PDE12: variants seen among roughly 807,000 people sequenced by gnomAD.
The protein encoded by PDE12 is phosphodiesterase 12.
A neutral mutation model predicts 45.4 loss-of-function variants in PDE12; 26 were observed. The observed-to-expected ratio is 0.57, with a 90% CI of 0.42 to 0.79. The LOEUF (loss-of-function observed/expected upper bound fraction) is 0.79, where lower values mean the gene tolerates loss of function less well. Ranked by LOEUF, PDE12 falls within the 30% of genes least tolerant of loss-of-function variation. The pLI, the probability that PDE12 is intolerant of heterozygous loss-of-function variation, is 0.00. For synonymous variants in PDE12, 283 were observed against 323.9 expected (o/e 0.87, Z 1.36); for missense variants, 668 against 790.0 (o/e 0.85, Z 1.85).
At chr3:57,614,979 T>A in the PDE12 span, among the ~76,000 whole-genome samples, 4 of 146,820 alleles carry the variant, frequency 2.7e-5, no homozygotes, top group Admixed American at 6.9e-5. Context: ...GGTAACAAAG[T>A]GGGACTGTGT....
the PDE12 span, among the ~76,000 whole-genome samples, chr3:57,650,421 TAC>T: frequency 0.16 from 24,659 of 149,844 alleles, 2,424 homozygotes; most frequent in East Asian, 0.45. Flanking sequence ...TGCATTTACA[TAC>T]ACACACACAC....
chr3:57,614,523 G>GT, the PDE12 span, among the ~76,000 whole-genome samples: 22,885 of 131,834 alleles, frequency 0.17, 2,322 homozygotes, highest in East Asian at 0.48. Context: ...CCTGTAATCC[G>GT]TTTTTTTTTT....
chr3:57,634,613 G>A, the PDE12 span: 1 of 1,481,030 alleles, frequency 6.8e-7, no homozygotes, highest in South Asian at 1.4e-5. Flanking sequence ...CTTATATGAA[G>A]TATAAACTCC....
At chr3:57,649,639 AAAAT>A in the PDE12 span, among the ~76,000 whole-genome samples, 1 of 146,680 alleles carries the variant, frequency 6.8e-6, no homozygotes. Flanking sequence ...TGAAAAAAAA[AAAAT>A]ATATATATAT....
At chr3:57,606,404 A>G in the PDE12 span, among the ~76,000 whole-genome samples, 1 of 152,178 alleles carries the variant, frequency 6.6e-6, no homozygotes, top group Non-Finnish European at 1.5e-5. Flanking sequence ...AAAAAGAAGG[A>G]AAAATAAAGA....
At chr3:57,589,251 G>C in the PDE12 span, among the ~76,000 whole-genome samples, 1 of 151,642 alleles carries the variant, frequency 6.6e-6, no homozygotes, top group Non-Finnish European at 1.5e-5. Flanking sequence ...CTGGGCAACA[G>C]AATTGAGACC....
At chr3:57,578,838 C>G in the PDE12 span, among the ~76,000 whole-genome samples, 1 of 150,904 alleles carries the variant, frequency 6.6e-6, no homozygotes, top group Admixed American at 6.6e-5. Context: ...ACTAGTTGAA[C>G]TGTTTTTCTA....
At chr3:57,656,152 C>T in the PDE12 span, among the ~76,000 whole-genome samples, 2 of 152,118 alleles carry the variant, frequency 1.3e-5, no homozygotes, top group African/African-American at 4.8e-5. Context: ...GTTCCATCAC[C>T]TCACGAAATG....
chr3:57,628,885 C>A, the PDE12 span: 1 of 1,610,210 alleles, frequency 6.2e-7, no homozygotes, highest in South Asian at 1.1e-5. Flanking sequence ...AGAAGTAAGT[C>A]CTAGAATAAA....
At chr3:57,621,639 G>A in the PDE12 span, among the ~76,000 whole-genome samples, 4 of 152,100 alleles carry the variant, frequency 2.6e-5, no homozygotes, top group Middle Eastern at 3.2e-3. Flanking sequence ...CAGCCTGGGT[G>A]ACAGAGCAAG....
At chr3:57,587,000 C>CA in the PDE12 span, among the ~76,000 whole-genome samples, 6 of 151,956 alleles carry the variant, frequency 3.9e-5, no homozygotes, top group Non-Finnish European at 8.8e-5. Flanking sequence ...ACCGGAGGTC[C>CA]AACTGGACCT....
the PDE12 span, among the ~76,000 whole-genome samples, chr3:57,640,929 T>G: frequency 2.6e-5 from 4 of 151,988 alleles, no homozygotes; most frequent in East Asian, 7.7e-4. Context: ...ACTCCTACCA[T>G]GAACAAGGTA....
Position 57,566,764 on chromosome 3 carries a change from CTT to C in PDE12, c.*6763_*6764del, listed in dbSNP as rs1314504071. 6.6e-6 allele frequency: 1 copy of C among 152,106 alleles called. No homozygotes were observed. Among genetic ancestry groups the C allele is most frequent in the East Asian group, 1.9e-4 (1 of 5,200 alleles). The allele number at this position is 152,106 out of a possible 1,614,324, so 9.4% of individuals were successfully genotyped here. On this transcript the variant is annotated 3_prime_UTR_variant, in exon 3 of 3. Transcript: ENST00000311180. ...CATCTATATATCTCTGGAGAAATGT[CTT>C]TTGAAATACTTTGCCCATTTAAAAA...
the PDE12 span, among the ~76,000 whole-genome samples, chr3:57,618,309 G>C: frequency 3.9e-3 from 587 of 152,274 alleles, 2 homozygotes; most frequent in African/African-American, 0.013. Flanking sequence ...TTTGATAAAT[G>C]AGGTTAATAA....
At chr3:57,646,318 A>T in the PDE12 span, 1 of 1,608,320 alleles carries the variant, frequency 6.2e-7, no homozygotes, top group Admixed American at 1.7e-5. Flanking sequence ...AGACTCACTT[A>T]ACAAGTGCCA....
the PDE12 span, among the ~76,000 whole-genome samples, chr3:57,611,447 A>G: frequency 6.6e-6 from 1 of 152,182 alleles, no homozygotes; most frequent in African/African-American, 2.4e-5. Flanking sequence ...TGAACAGGCA[A>G]CCTACAGAAT....
At chr3:57,577,251 A>G in the PDE12 span, 1 of 1,340,660 alleles carries the variant, frequency 7.5e-7, no homozygotes, top group Non-Finnish European at 1.1e-6. Flanking sequence ...AATGTACTAA[A>G]CCACCACCAG....
the PDE12 span, among the ~76,000 whole-genome samples, chr3:57,591,760 C>T: frequency 2.6e-5 from 4 of 152,150 alleles, no homozygotes; most frequent in South Asian, 8.3e-4. Flanking sequence ...CCACCGCGCC[C>T]GGCCATTATG....
chr3:57,637,760 A>T, the PDE12 span, among the ~76,000 whole-genome samples: 243 of 127,662 alleles, frequency 1.9e-3, 1 homozygote, highest in Non-Finnish European at 3.2e-3. Flanking sequence ...AAAATAAATA[A>T]GACTTCAAAA....
Sources: gnomAD v4.1 joint callset for allele counts (sites outside exome capture counted in the v4.1 genomes callset) on GRCh38, gnomAD v4.1.1 for gene constraint, MANE v1.5 for transcripts, NCBI Gene and HGNC (gene_info 2026-07-23, HGNC 2026-07-21) for gene names.